Variants in CENPF observed in about 807,000 individuals in gnomAD.
CENPF encodes the protein AH antigen.
A neutral mutation model predicts 307.3 loss-of-function variants in CENPF; 214 were observed. The ratio of observed to expected loss-of-function variants is 0.70; its 90% CI spans 0.62 to 0.78. The LOEUF (loss-of-function observed/expected upper bound fraction) is 0.78, where lower values mean the gene tolerates loss of function less well. Among genes scored for constraint, CENPF ranks in the 30% least tolerant of loss-of-function variants. The pLI, the probability that CENPF is intolerant of heterozygous loss-of-function variation, is 0.00. For synonymous variants in CENPF, 1,259 were observed against 1,270.6 expected, an observed-to-expected ratio of 0.99 and a Z score of 0.19; for missense variants, 3,401 against 3,483.9, an observed-to-expected ratio of 0.98 and a Z score of 0.60.
In CENPF at chr1:214,646,195, A is replaced by G; in HGVS notation, c.6625A>G (p.Arg2209Gly). 6.2e-7 allele frequency: 1 copy of G among 1,613,302 alleles called. No individual in the cohort carries two copies. Among genetic ancestry groups the G allele is most frequent in the Non-Finnish European group, 8.5e-7 (1 of 1,179,874 alleles). Residue 2209 changes from arginine to glycine, a missense_variant, in exon 13 of 20, where the codon AGG (arginine) becomes GGG (glycine). Coordinates refer to ENST00000366955, the MANE Select transcript of CENPF (RefSeq NM_016343.4). ...TTTTGAATTAGACCTTGTCACGTTAAGGTCTGAAAAAGAAAATCTGACAAA... is the reference window on the plus strand; with the variant it reads ...TTTTGAATTAGACCTTGTCACGTTAGGGTCTGAAAAAGAAAATCTGACAAA... ...KVFELDLVTL[R>G]SEKENLTKQI...
chr1:214,646,180 G>A lies in CENPF; in HGVS notation c.6610G>A (p.Asp2204Asn). ...MARSLKVFEL[D>N]LVTLRSEKEN... Reference sequence around the variant, plus strand: ...CAGAAGCCTGAAAGTTTTTGAATTAGACCTTGTCACGTTAAGGTCTGAAAA... The same window carrying A: ...CAGAAGCCTGAAAGTTTTTGAATTAAACCTTGTCACGTTAAGGTCTGAAAA... The change falls in exon 13 of 20, where the codon GAC becomes AAC. Residue 2204 changes from aspartate to asparagine, a missense_variant. Physicochemically the swap from Asp to Asn is conservative, Grantham distance 23. Coordinates refer to ENST00000366955, the MANE Select transcript of CENPF (RefSeq NM_016343.4). 6.2e-7 allele frequency: 1 copy of A among 1,613,394 alleles called. No individual in the cohort carries two copies. The highest frequency in any genetic ancestry group is 8.5e-7 in the Non-Finnish European group (1 of 1,179,906).
chr1:214,633,941 C>T (rs1161329194), intron 10 of CENPF, among the ~76,000 whole-genome samples: 2 of 152,242 alleles, frequency 1.3e-5, no homozygotes, highest in Non-Finnish European at 2.9e-5. Flanking sequence ...TCCCGCGACT[C>T]CACTGGCTGC....
intron 3 of CENPF, among the ~76,000 whole-genome samples, chr1:214,616,471 T>C (rs1042386205): frequency 1.3e-5 from 2 of 152,128 alleles, no homozygotes; most frequent in Non-Finnish European, 2.9e-5. Flanking sequence ...CTGGTGCAAA[T>C]TGAGATGAGC....
intron 1 of CENPF, among the ~76,000 whole-genome samples, chr1:214,611,286 A>G (rs767150503): frequency 3.2e-4 from 49 of 152,074 alleles, no homozygotes; most frequent in Non-Finnish European, 6.3e-4. Context: ...GGCCATTTCA[A>G]TGATACTGAT....
chr1:214,630,515 C>T lies in CENPF; in HGVS notation c.1195-19C>T, dbSNP rs780742818. 3.1e-6 allele frequency: 5 copies of T among 1,613,806 alleles called. No individual in the cohort carries two copies. In the South Asian group the frequency reaches 5.5e-5, roughly 18 times the overall value. On this transcript the variant is annotated intron_variant, in intron 8 of 19. Transcript: ENST00000366955. Reference sequence around the variant, plus strand: ...AGCGAACCATCATCAGGCTGATGCACCTGCCCTTTGTTTTTCAGGAGCTCT... The same window carrying T: ...AGCGAACCATCATCAGGCTGATGCATCTGCCCTTTGTTTTTCAGGAGCTCT...
At chr1:214,644,438 T>G (rs1402190839) in intron 12 of CENPF, 119 bp from the exon 13 acceptor site, 5 of 903,652 alleles carry the variant, frequency 5.5e-6, no homozygotes, top group African/African-American at 1.7e-5. Context: ...ATTCACCACT[T>G]TAAGAGATGT....
chr1:214,631,041 A>G (rs1368164280), intron 9 of CENPF, among the ~76,000 whole-genome samples: 4 of 152,210 alleles, frequency 2.6e-5, no homozygotes, highest in Non-Finnish European at 2.9e-5. Flanking sequence ...GTGGCTTTAC[A>G]TATCATCTAT....
chr1:214,652,150 C>G (rs975464955), intron 15 of CENPF, among the ~76,000 whole-genome samples: 2 of 149,790 alleles, frequency 1.3e-5, no homozygotes, highest in African/African-American at 5.0e-5. Context: ...ATTCTCCTAC[C>G]TCAGCCTCCC....
chr1:214,612,104 C>T (rs1571693605), intron 1 of CENPF, among the ~76,000 whole-genome samples: 1 of 152,138 alleles, frequency 6.6e-6, no homozygotes, highest in East Asian at 1.9e-4. Context: ...ATGATGTTGG[C>T]TGTGGGTTTG....
chr1:214,645,880 G>C lies in CENPF; in HGVS notation c.6310G>C (p.Ala2104Pro), dbSNP rs756126833. The change falls in exon 13 of 20, where the codon GCA becomes CCA. Residue 2104 changes from alanine to proline, a missense_variant. By Grantham distance (27) the Ala-to-Pro change is conservative. Transcript: ENST00000366955. ...EAALVEKGEF[A>P]LRLSSTQEEV... Reference sequence around the variant, plus strand: ...CGCACTGGTGGAGAAAGGTGAGTTCGCATTGAGGCTGAGCTCAACACAGGA... The same window carrying C: ...CGCACTGGTGGAGAAAGGTGAGTTCCCATTGAGGCTGAGCTCAACACAGGA... 6.2e-7 allele frequency: 1 copy of C among 1,614,132 alleles called. No homozygotes were observed. Among genetic ancestry groups the C allele is most frequent in the African/African-American group, 1.3e-5 (1 of 75,044 alleles).
chr1:214,629,320 T>A, intron 8 of CENPF, 149 bp downstream of exon 8: 1 of 699,136 alleles, frequency 1.4e-6, no homozygotes, highest in South Asian at 3.9e-5. Context: ...CATCTTATTT[T>A]CTTTCACATC....
At chr1:214,608,505 G>A (rs1657102162) in intron 1 of CENPF, 3 of 1,612,254 alleles carry the variant, frequency 1.9e-6, no homozygotes, top group African/African-American at 1.3e-5. Context: ...AGAGGACCGT[G>A]TACCTGGCAC....
intron 19 of CENPF, among the ~76,000 whole-genome samples, chr1:214,660,555 A>G (rs1006537129): frequency 6.6e-6 from 1 of 152,236 alleles, no homozygotes; most frequent in Non-Finnish European, 1.5e-5. Flanking sequence ...GTCAACTACA[A>G]GATATCCACT....
At chr1:214,624,229 G>A (rs1052854116) in intron 7 of CENPF, among the ~76,000 whole-genome samples, 2 of 151,968 alleles carry the variant, frequency 1.3e-5, no homozygotes, top group African/African-American at 4.8e-5. Context: ...AAGGATATTG[G>A]TTGGCTTTCT....
At position 214,645,951 on chromosome 1, in the gene CENPF, C is replaced by A. The variant is rs992049075; in HGVS notation, c.6381C>A (p.Arg2127=). 6.2e-7 allele frequency: 1 copy of A among 1,613,934 alleles called. No homozygotes were observed. The highest frequency in any genetic ancestry group is 1.7e-5 in the Admixed American group (1 of 59,984). The part of the protein sequence containing the change: ...LRRGIEKLRV[R]IEADEKKQLH... ...GAGGCATCGAGAAACTGAGAGTTCG[C>A]ATTGAGGCCGATGAAAAGAAGCAGC... The change falls in exon 13 of 20, where the codon CGC becomes CGA. Residue 2127 remains arginine (R), a synonymous_variant. Coordinates refer to ENST00000366955, the MANE Select transcript of CENPF (RefSeq NM_016343.4).
chr1:214,661,268 A>G (rs774285837), intron 19 of CENPF, among the ~76,000 whole-genome samples: 2 of 152,220 alleles, frequency 1.3e-5, no homozygotes, highest in African/African-American at 4.8e-5. Flanking sequence ...GAGAGCAGTT[A>G]TAGGAGAATT....
chr1:214,607,652 C>T (rs545652413), intron 1 of CENPF, among the ~76,000 whole-genome samples: 3 of 152,298 alleles, frequency 2.0e-5, no homozygotes, highest in African/African-American at 4.8e-5. Flanking sequence ...CAGTGGATGG[C>T]GAGCAGGAAA....
chr1:214,610,063 G>A (rs867493128), intron 1 of CENPF, among the ~76,000 whole-genome samples: 17 of 133,820 alleles, frequency 1.3e-4, no homozygotes, highest in African/African-American at 4.8e-4. Context: ...TTGCCATGTT[G>A]CCCAGGCTGG....
intron 12 of CENPF, among the ~76,000 whole-genome samples, chr1:214,643,948 G>A (rs1328524522): frequency 6.6e-6 from 1 of 152,206 alleles, no homozygotes; most frequent in East Asian, 1.9e-4. Context: ...GTGTATGCAT[G>A]TCACTTGATT....
Sources: gnomAD v4.1 joint callset for allele counts (sites outside exome capture counted in the v4.1 genomes callset) on GRCh38, gnomAD v4.1.1 for gene constraint, MANE v1.5 for transcripts, NCBI Gene and HGNC (gene_info 2026-07-23, HGNC 2026-07-21) for gene names.